Variants in NDRG3 observed in about 807,000 individuals in gnomAD.
NDRG3 encodes NDRG family member 3.
NDRG3 carries 23 observed loss-of-function variants against 57.2 expected under a neutral mutation model. The observed-to-expected ratio is 0.40, with a 90% CI of 0.29 to 0.57. The LOEUF (loss-of-function observed/expected upper bound fraction) is 0.57. Among genes scored for constraint, NDRG3 ranks in the 20% least tolerant of loss-of-function variants. The pLI, the probability that NDRG3 is intolerant of heterozygous loss-of-function variation, is 0.42. For synonymous variants in NDRG3, 132 were observed against 162.6 expected (o/e 0.81, Z 1.43); for missense variants, 384 against 457.3 (o/e 0.84, Z 1.46).
At chr20:36,688,362 C>G (rs1981964355) in intron 4 of NDRG3, among the ~76,000 whole-genome samples, 3 of 150,944 alleles carry the variant, frequency 2.0e-5, no homozygotes, top group African/African-American at 7.4e-5. Context: ...ATTTTCTAAC[C>G]TGAAACATAT....
chr20:36,668,344 A>T (rs1376832381), intron 9 of NDRG3, among the ~76,000 whole-genome samples: 1 of 152,190 alleles, frequency 6.6e-6, no homozygotes, highest in African/African-American at 2.4e-5. Flanking sequence ...TATGGTAGAG[A>T]TCATTCCTTA....
chr20:36,696,488 TTTTC>T (rs916115151), intron 3 of NDRG3, among the ~76,000 whole-genome samples: 8 of 151,192 alleles, frequency 5.3e-5, no homozygotes, highest in African/African-American at 1.2e-4. Context: ...GCCTCTGGCT[TTTTC>T]TTTCTTTTTT....
intron 1 of NDRG3, among the ~76,000 whole-genome samples, chr20:36,730,464 G>A (rs924730803): frequency 4.0e-5 from 6 of 151,810 alleles, no homozygotes; most frequent in Admixed American, 3.9e-4. Context: ...ATGTTGCCCA[G>A]GCTAAGATGC....
chr20:36,719,112 G>A (rs1171559284), intron 2 of NDRG3, among the ~76,000 whole-genome samples: 1 of 152,042 alleles, frequency 6.6e-6, no homozygotes, highest in Non-Finnish European at 1.5e-5. Context: ...GGATGCAGCA[G>A]GAGAAACCAA....
At chr20:36,690,338 C>T (rs376574764) in intron 3 of NDRG3, among the ~76,000 whole-genome samples, 8 of 150,954 alleles carry the variant, frequency 5.3e-5, no homozygotes, top group South Asian at 2.1e-4. Flanking sequence ...AAAGATGCAC[C>T]GAGCAAAGCT....
At chr20:36,714,039 T>G (rs977513733) in intron 2 of NDRG3, among the ~76,000 whole-genome samples, 4 of 152,098 alleles carry the variant, frequency 2.6e-5, no homozygotes, top group Non-Finnish European at 5.9e-5. Flanking sequence ...AAATACTCAG[T>G]TTTTCTTTAA....
In NDRG3 at chr20:36,687,482, G is replaced by A. The variant is rs199653089; in HGVS notation, c.320+10C>T. On this transcript the variant is annotated intron_variant, in intron 5 of 15. Coordinates refer to ENST00000349004, the MANE Select transcript of NDRG3 (RefSeq NM_032013.4). ...TGCACGTCTCCCAGATGATCTTTTC[G>A]TGGCCTTACCCTGTTGGGAAAGAGG... 7.4e-5 allele frequency: 120 copies of A among 1,611,172 alleles called. No individual in the cohort carries two copies. The highest frequency in any genetic ancestry group is 2.5e-4 in the South Asian group (23 of 90,770).
intron 10 of NDRG3, 40 bp downstream of exon 10, chr20:36,666,249 C>T (rs1044858217): frequency 1.4e-6 from 2 of 1,459,338 alleles, no homozygotes; most frequent in East Asian, 4.5e-5. Context: ...CTTTTTAGAA[C>T]CTGTTTACAT....
At chr20:36,695,206 T>G (rs1253277695) in intron 3 of NDRG3, among the ~76,000 whole-genome samples, 1 of 152,218 alleles carries the variant, frequency 6.6e-6, no homozygotes. Flanking sequence ...AATCTCTTAA[T>G]GCTGTCATCT....
chr20:36,711,113 T>A (rs1165685423), intron 2 of NDRG3, among the ~76,000 whole-genome samples: 4 of 142,640 alleles, frequency 2.8e-5, no homozygotes, highest in Admixed American at 2.1e-4. Flanking sequence ...ACCCCATCTC[T>A]ACTAAAAAAA....
At chr20:36,672,505 T>C (rs763466878) in intron 8 of NDRG3, among the ~76,000 whole-genome samples, 3 of 152,152 alleles carry the variant, frequency 2.0e-5, no homozygotes, top group East Asian at 1.9e-4. Context: ...AATCTTCACA[T>C]AGGTTATCAG....
At chr20:36,728,023 A>G (rs1301463613) in intron 1 of NDRG3, among the ~76,000 whole-genome samples, 1 of 151,526 alleles carries the variant, frequency 6.6e-6, no homozygotes, top group East Asian at 2.0e-4. Context: ...ACACAGCAAG[A>G]CCCTGCCTCT....
At chr20:36,709,019 C>T (rs931141135) in intron 2 of NDRG3, among the ~76,000 whole-genome samples, 2 of 152,042 alleles carry the variant, frequency 1.3e-5, no homozygotes, top group Non-Finnish European at 2.9e-5. Context: ...GCCTGGGCAA[C>T]AAGAGTGAAA....
At chr20:36,687,414 A>C in intron 5 of NDRG3, 78 bp downstream of exon 5, 1 of 1,537,300 alleles carries the variant, frequency 6.5e-7, no homozygotes, top group Non-Finnish European at 8.8e-7. Context: ...AGGGAAGCAC[A>C]CACCACTTCT....
At chr20:36,706,775 T>C (rs573530698) in intron 3 of NDRG3, among the ~76,000 whole-genome samples, 197 bp downstream of exon 3, 1 of 152,322 alleles carries the variant, frequency 6.6e-6, no homozygotes, top group East Asian at 1.9e-4. Context: ...AGTGCTGGAA[T>C]TATAGGTATG....
At chr20:36,735,878 A>G (rs186906232) in intron 1 of NDRG3, among the ~76,000 whole-genome samples, 12 of 150,886 alleles carry the variant, frequency 8.0e-5, no homozygotes, top group African/African-American at 2.9e-4. Context: ...ATCCCAGCTC[A>G]GGAGGCTGAG....
chr20:36,675,183 C>T (rs2148070753), intron 8 of NDRG3, among the ~76,000 whole-genome samples: 2 of 150,944 alleles, frequency 1.3e-5, no homozygotes, highest in Middle Eastern at 6.9e-3. Context: ...CCTTAGCTTC[C>T]CAAGTAGCTG....
intron 3 of NDRG3, among the ~76,000 whole-genome samples, chr20:36,694,812 C>T (rs1982636151): frequency 6.6e-6 from 1 of 151,998 alleles, no homozygotes; most frequent in South Asian, 2.1e-4. Flanking sequence ...GGCTGGAGTA[C>T]AGTAGCGTGA....
chr20:36,739,241 G>C (rs930225874), intron 1 of NDRG3, among the ~76,000 whole-genome samples: 1 of 147,428 alleles, frequency 6.8e-6, no homozygotes. Flanking sequence ...GAGGTCAGGA[G>C]ATCGAGACCA....
Sources: allele counts gnomAD v4.1 joint callset (sites outside exome capture counted in the v4.1 genomes callset), GRCh38; gene constraint gnomAD v4.1.1; transcripts MANE v1.5; gene names NCBI Gene and HGNC (gene_info 2026-07-23, HGNC 2026-07-21).